Variants in MIS18A observed in about 807,000 individuals in gnomAD.
MIS18A encodes the protein MIS18 kinetochore protein A.
MIS18A carries 14 observed loss-of-function variants against 25.0 expected under a neutral mutation model. The observed-to-expected ratio is 0.56, with a 90% confidence interval of 0.37 to 0.88. The LOEUF (loss-of-function observed/expected upper bound fraction) is 0.88, where lower values mean the gene tolerates loss of function less well. Ranked by LOEUF, MIS18A falls within the 40% of genes least tolerant of loss-of-function variation. The pLI is 0.00. For synonymous variants in MIS18A, 134 were observed against 118.6 expected (o/e 1.13, Z -0.84); for missense variants, 292 against 290.8 (o/e 1.00, Z -0.03).
chr21:32,248,817 T>G, the MIS18A span, among the ~76,000 whole-genome samples: 1 of 152,134 alleles, frequency 6.6e-6, no homozygotes, highest in Non-Finnish European at 1.5e-5. Context: ...GAAAGAAAGA[T>G]CTGAACTTCC....
At chr21:32,174,567 C>T in the MIS18A span, among the ~76,000 whole-genome samples, 1 of 152,060 alleles carries the variant, frequency 6.6e-6, no homozygotes, top group East Asian at 1.9e-4. Flanking sequence ...TGGTCAATTT[C>T]CCAGGAAGAT....
chr21:32,264,052 T>C (rs1210345127), downstream of MIS18A, among the ~76,000 whole-genome samples: 1 of 152,136 alleles, frequency 6.6e-6, no homozygotes, highest in African/African-American at 2.4e-5. Flanking sequence ...AAAGTGTGAA[T>C]TTCATACTGT....
the MIS18A span, among the ~76,000 whole-genome samples, chr21:32,207,630 C>T: frequency 9.2e-5 from 14 of 152,156 alleles, no homozygotes; most frequent in Admixed American, 3.3e-4. Flanking sequence ...TCAACACTGG[C>T]ATAAATGGGG....
the MIS18A span, among the ~76,000 whole-genome samples, chr21:32,234,761 G>A: frequency 2.0e-5 from 3 of 152,196 alleles, no homozygotes; most frequent in African/African-American, 7.2e-5. Context: ...GCTTCCTGAG[G>A]CCTCACTAGA....
the MIS18A span, among the ~76,000 whole-genome samples, chr21:32,251,924 C>T: frequency 2.0e-5 from 3 of 152,222 alleles, no homozygotes; most frequent in African/African-American, 7.2e-5. Flanking sequence ...AACTAAAAGT[C>T]CATCTTACAA....
chr21:32,183,955 T>C, the MIS18A span, among the ~76,000 whole-genome samples: 1 of 152,228 alleles, frequency 6.6e-6, no homozygotes, highest in Non-Finnish European at 1.5e-5. Flanking sequence ...TTAAAGGGGC[T>C]GTATTTAAGG....
chr21:32,165,454 T>C, the MIS18A span, among the ~76,000 whole-genome samples: 4 of 149,620 alleles, frequency 2.7e-5, no homozygotes, highest in South Asian at 6.3e-4. Flanking sequence ...AAAGGCATTA[T>C]TTGAGACTTG....
At chr21:32,162,592 T>C in the MIS18A span, among the ~76,000 whole-genome samples, 1 of 152,352 alleles carries the variant, frequency 6.6e-6, no homozygotes, top group Non-Finnish European at 1.5e-5. Context: ...ATCATAGTGA[T>C]ATTGTTCAAG....
chr21:32,175,635 C>A, the MIS18A span, among the ~76,000 whole-genome samples: 1 of 129,392 alleles, frequency 7.7e-6, no homozygotes, highest in East Asian at 2.2e-4. Context: ...TAGTGAAACC[C>A]GGTCTCTACT....
the MIS18A span, among the ~76,000 whole-genome samples, chr21:32,242,549 G>A: frequency 2.0e-5 from 3 of 151,952 alleles, no homozygotes; most frequent in Non-Finnish European, 4.4e-5. Flanking sequence ...AAATGTCTCT[G>A]CTCCCTGTTT....
the MIS18A span, among the ~76,000 whole-genome samples, chr21:32,238,158 C>T: frequency 6.6e-6 from 1 of 152,194 alleles, no homozygotes; most frequent in African/African-American, 2.4e-5. Context: ...ATAGATTTCA[C>T]CCAACCCCTG....
the MIS18A span, among the ~76,000 whole-genome samples, chr21:32,251,711 T>C: frequency 6.6e-6 from 1 of 152,212 alleles, no homozygotes; most frequent in African/African-American, 2.4e-5. Flanking sequence ...ACAAACTTCA[T>C]ATTTGAAGGC....
the MIS18A span, among the ~76,000 whole-genome samples, chr21:32,245,108 G>A: frequency 6.6e-6 from 1 of 152,166 alleles, no homozygotes; most frequent in Non-Finnish European, 1.5e-5. Context: ...TTGATTAATT[G>A]ATCATTGACT....
intron 1 of MIS18A, among the ~76,000 whole-genome samples, chr21:32,277,179 C>A (rs537696047): frequency 6.6e-6 from 1 of 151,880 alleles, no homozygotes; most frequent in South Asian, 2.1e-4. Flanking sequence ...TCTGATAAAT[C>A]AAAAAATGTA....
the MIS18A span, among the ~76,000 whole-genome samples, chr21:32,253,596 C>G: frequency 6.6e-6 from 1 of 152,136 alleles, no homozygotes; most frequent in East Asian, 1.9e-4. Context: ...TGATGGGAGC[C>G]CCAGGGAGGG....
At chr21:32,208,659 T>A in the MIS18A span, among the ~76,000 whole-genome samples, 3 of 152,220 alleles carry the variant, frequency 2.0e-5, no homozygotes, top group Non-Finnish European at 2.9e-5. Context: ...GGAAAGAGTA[T>A]CTCCTTAGCC....
At chr21:32,201,032 G>A in the MIS18A span, among the ~76,000 whole-genome samples, 26 of 152,134 alleles carry the variant, frequency 1.7e-4, no homozygotes, top group African/African-American at 6.0e-4. Context: ...ATAGTTCTGT[G>A]GGCTGTGCAG....
At chr21:32,258,929 A>G in the MIS18A span, among the ~76,000 whole-genome samples, 4 of 152,014 alleles carry the variant, frequency 2.6e-5, no homozygotes, top group East Asian at 7.8e-4. Flanking sequence ...GACGGAGTGC[A>G]GTGGTAAGAT....
At chr21:32,269,938 G>C (rs550245880) in intron 3 of MIS18A, 135 bp from the exon 4 acceptor site, 2 of 619,814 alleles carry the variant, frequency 3.2e-6, no homozygotes, top group Non-Finnish European at 2.9e-6. Flanking sequence ...ACAAGACCCC[G>C]GGCAATATGC....
Sources: gnomAD v4.1 joint callset for allele counts (sites outside exome capture counted in the v4.1 genomes callset) on GRCh38, gnomAD v4.1.1 for gene constraint, MANE v1.5 for transcripts, NCBI Gene and HGNC (gene_info 2026-07-23, HGNC 2026-07-21) for gene names.